The following GNAS variants were observed in gnomAD, a reference collection of about 807,000 sequenced individuals.
GNAS encodes GNAS complex locus.
In GNAS, 8 loss-of-function variants were observed where a neutral mutation model predicts 54.5. That is an observed-to-expected ratio of 0.15 (90% confidence interval 0.09 to 0.26). The LOEUF is 0.26. GNAS is among the 10% of genes least tolerant of loss of function. The pLI is 1.00. For missense variants in GNAS, 170 were observed against 529.8 expected (o/e 0.32, Z 6.67); for synonymous variants, 204 against 191.4 (o/e 1.07, Z -0.54).
intron 1 of GNAS, among the ~76,000 whole-genome samples, chr20:58,878,261 G>A (rs528467085): frequency 6.6e-6 from 1 of 152,282 alleles, no homozygotes; most frequent in Admixed American, 6.5e-5. Context: ...AAGGGGCATC[G>A]GGCCCCGGCC....
At chr20:58,855,922 T>G in intron 1 of GNAS, 1 of 428,800 alleles carries the variant, frequency 2.3e-6, no homozygotes, top group Non-Finnish European at 4.2e-6. Flanking sequence ...GTGTTGTGGT[T>G]TGCGCCATGG....
intron 1 of GNAS, chr20:58,852,836 C>A: frequency 4.0e-6 from 1 of 250,032 alleles, no homozygotes; most frequent in Non-Finnish European, 7.4e-6. Flanking sequence ...GCTCCTGGAG[C>A]CGGAGCCAGC....
In GNAS at chr20:58,909,662, G is replaced by C; in HGVS notation, c.719-22G>C. The stretch of plus-strand genomic sequence containing the variant: ...GATCAGGGTCGCTGCTCACGCTCTT[G>C]GCTTTGCTCTCTTTGGTTAAGATGT... On this transcript the variant is annotated intron_variant, in intron 9 of 12. Transcript: ENST00000371085. This position sits in a 1 kb window ranked among gnomAD's most constrained non-coding sequence, Gnocchi z 7.3. 1 of 1,614,154 alleles carries C rather than the reference G, an allele frequency of 6.2e-7. No homozygotes were observed. Among genetic ancestry groups the C allele is most frequent in the Non-Finnish European group, 8.5e-7 (1 of 1,180,026 alleles).
intron 2 of GNAS, 133 bp from the exon 3 acceptor site, chr20:58,898,808 G>GATGGATGGCTGGCGCGC: frequency 2.4e-6 from 2 of 833,664 alleles, no homozygotes; most frequent in Non-Finnish European, 4.2e-6. Context: ...TTGCCGGGAG[G>GATGGATGGCTGGCGCGC]ATGGATGGCT....
intron 1 of GNAS, among the ~76,000 whole-genome samples, chr20:58,865,721 A>T (rs2145664306): frequency 6.6e-6 from 1 of 151,800 alleles, no homozygotes; most frequent in Non-Finnish European, 1.5e-5. Context: ...GATTACAGGC[A>T]TGAGCCACCG....
intron 2 of GNAS, among the ~76,000 whole-genome samples, chr20:58,896,243 C>T (rs2090039880): frequency 6.6e-6 from 1 of 151,958 alleles, no homozygotes; most frequent in African/African-American, 2.4e-5. Flanking sequence ...TTTTGTCCCC[C>T]TTTAAATTAC....
chr20:58,890,002 G>C (rs2088985506), upstream of GNAS, among the ~76,000 whole-genome samples: 1 of 151,526 alleles, frequency 6.6e-6, no homozygotes, highest in Non-Finnish European at 1.5e-5. Flanking sequence ...GCCGAGCCGA[G>C]AGAGCCGCTC....
Position 58,910,149 on chromosome 20 carries a change from A to AACC in GNAS, c.970+69_970+71dup. ...TTCTTTTTCAAACGGTCAGGCTGAA[A>AACC]ACCCCCATCCCCCTCCCACCACCAA... On this transcript the variant is annotated intron_variant, in intron 11 of 12. Transcript: ENST00000371085. This position sits in a 1 kb window ranked among gnomAD's most constrained non-coding sequence, Gnocchi z 5.8. 3.9e-6 allele frequency: 6 copies of AACC among 1,533,766 alleles called. No homozygotes were observed. Among genetic ancestry groups the AACC allele is most frequent in the Non-Finnish European group, 5.4e-6 (6 of 1,107,316 alleles).
chr20:58,868,314 C>A (rs2087193246), intron 1 of GNAS, among the ~76,000 whole-genome samples: 1 of 152,128 alleles, frequency 6.6e-6, no homozygotes, highest in Non-Finnish European at 1.5e-5. Flanking sequence ...CCACCGTGCC[C>A]TGCCAATATT....
At chr20:58,840,591 G>A (rs1449135586), upstream of GNAS, 2 of 1,610,902 alleles carry the variant, frequency 1.2e-6, no homozygotes, top group Admixed American at 1.7e-5. The surrounding 1 kb of genome is among the most constrained non-coding windows in gnomAD (Gnocchi z 6.0). Context: ...CTCACCCAGC[G>A]TCTGCACGCT....
At chr20:58,846,490 C>A (rs2085944824) in intron 1 of GNAS, among the ~76,000 whole-genome samples, 1 of 152,204 alleles carries the variant, frequency 6.6e-6, no homozygotes, top group Non-Finnish European at 1.5e-5. Context: ...AGTTTTCATA[C>A]AAGTACTTCA....
chr20:58,854,781 C>A, intron 1 of GNAS: 1 of 1,566,462 alleles, frequency 6.4e-7, no homozygotes, highest in Non-Finnish European at 8.6e-7. Flanking sequence ...TTCTGCCACC[C>A]GGGCAGCCCA....
At chr20:58,848,052 G>T (rs2086002809) in intron 1 of GNAS, among the ~76,000 whole-genome samples, 1 of 152,166 alleles carries the variant, frequency 6.6e-6, no homozygotes, top group African/African-American at 2.4e-5. Flanking sequence ...TTCTATTGGG[G>T]GTTCCATATT....
chr20:58,894,620 TCCTC>T (rs1211235405), intron 1 of GNAS, among the ~76,000 whole-genome samples: 2 of 152,196 alleles, frequency 1.3e-5, no homozygotes, highest in African/African-American at 4.8e-5. Flanking sequence ...AAAATAGCAA[TCCTC>T]CCTCTAGCTT....
At chr20:58,869,973 A>G (rs780392189) in intron 1 of GNAS, among the ~76,000 whole-genome samples, 4 of 151,950 alleles carry the variant, frequency 2.6e-5, no homozygotes, top group Non-Finnish European at 4.4e-5. Context: ...ATTCCCTTCC[A>G]TTTCTGCCCC....
At position 58,841,334 on chromosome 20, in the gene GNAS, G is replaced by A; in HGVS notation, c.43+448G>A. 2 of 1,059,894 alleles carry A rather than the reference G, an allele frequency of 1.9e-6. No homozygotes were observed. Among genetic ancestry groups the A allele is most frequent in the Non-Finnish European group, 2.3e-6 (2 of 876,042 alleles). 65.7% of individuals were successfully genotyped at this position (1,059,894 alleles called of 1,614,324 possible). ...CGGAGGTGCGCGCGCCAACTTTCAC[G>A]ATGTGAGAGCAGCCGCGCTGTAGAG... On this transcript the variant is annotated intron_variant, in intron 1 of 12. Coordinates refer to the GNAS transcript ENST00000306090. This position sits in a 1 kb window ranked among gnomAD's most constrained non-coding sequence, Gnocchi z 5.0.
intron 1 of GNAS, among the ~76,000 whole-genome samples, chr20:58,879,119 G>A (rs1021593999): frequency 2.0e-5 from 3 of 152,166 alleles, no homozygotes; most frequent in Non-Finnish European, 4.4e-5. Context: ...GTGAGGTGGT[G>A]GTGATTGTAA....
intron 1 of GNAS, among the ~76,000 whole-genome samples, chr20:58,869,187 C>T (rs2087269695): frequency 6.6e-6 from 1 of 152,166 alleles, no homozygotes; most frequent in African/African-American, 2.4e-5. Context: ...GGGAACTGGT[C>T]CTGAGATCTT....
At position 58,891,578 on chromosome 20, in the gene GNAS, G is replaced by T. The variant is rs2089321790; in HGVS notation, c.-149G>T. On this transcript the variant is annotated 5_prime_UTR_variant, in exon 1 of 13. Transcript: ENST00000371085. ...CCGCGCGCCCCGCGGCCCGCGGCCC[G>T]CAGTCCGCCCCGCGCGCTCCTTGCC... 1.0e-6 allele frequency: 1 copy of T among 968,906 alleles called. No individual in the cohort carries two copies. Among genetic ancestry groups the T allele is most frequent in the East Asian group, 1.2e-4 (1 of 8,092 alleles). 60.0% of individuals were successfully genotyped at this position (968,906 alleles called of 1,614,324 possible).
Sources: gnomAD v4.1 joint callset for allele counts (sites outside exome capture counted in the v4.1 genomes callset) on GRCh38, gnomAD v4.1.1 for gene constraint, Gnocchi (gnomAD v3.1) non-coding constraint, MANE v1.5 for transcripts, NCBI Gene and HGNC (gene_info 2026-07-23, HGNC 2026-07-21) for gene names.